The following LACTB2 variants were observed in gnomAD, a reference collection of about 807,000 sequenced individuals.
The protein encoded by LACTB2 is lactamase beta 2, also known as endoribonuclease LACTB2.
Under a neutral mutation model 34.8 loss-of-function variants are expected in LACTB2, and 32 were observed. The ratio of observed to expected loss-of-function variants is 0.92; its 90% confidence interval spans 0.69 to 1.24. The LOEUF (loss-of-function observed/expected upper bound fraction) is 1.24, where lower values mean the gene tolerates loss of function less well. Ranked by LOEUF, LACTB2 falls within the 50% of genes most tolerant of loss-of-function variation. The pLI, the probability that LACTB2 is intolerant of heterozygous loss-of-function variation, is 0.00. For synonymous variants in LACTB2, 120 were observed against 117.5 expected (o/e 1.02, Z -0.14); for missense variants, 320 against 345.0 (o/e 0.93, Z 0.57).
Position 70,657,852 on chromosome 8 carries a change from C to A in LACTB2, c.317G>T (p.Arg106Leu), listed in dbSNP as rs138349014. The part of the protein sequence containing the change: ...DTTYCIKKLP[R>L]NPQREEIIGN... The stretch of plus-strand genomic sequence containing the variant: ...TATAATTTCTTCTCTCTGAGGATTC[C>A]GTGGGAGTTTTTTAATGCAATAGGT... Residue 106 changes from arginine (R) to leucine (L), a missense_variant, in exon 3 of 7, where the codon CGG becomes CTG. Coordinates refer to ENST00000276590, the MANE Select transcript of LACTB2 (RefSeq NM_016027.3). 1.2e-6 allele frequency: 2 copies of A among 1,606,154 alleles called. No individual in the cohort carries two copies. The highest frequency in any genetic ancestry group is 2.2e-5 in the South Asian group (2 of 90,826).
At chr8:70,650,633 G>C (rs1473273991) in intron 3 of LACTB2, among the ~76,000 whole-genome samples, 2 of 147,572 alleles carry the variant, frequency 1.4e-5, no homozygotes, top group Admixed American at 7.0e-5. Context: ...AGGAGTCTAA[G>C]GCAAGAGAAT....
At chr8:70,645,395 A>G (rs10112627) in intron 3 of LACTB2, among the ~76,000 whole-genome samples, 22,929 of 152,266 alleles carry the variant, frequency 0.15, 2,447 homozygotes, top group African/African-American at 0.3. Context: ...ATGGCACAAA[A>G]TTGCATGCTT....
Position 70,660,787 on chromosome 8 carries a change from T to G in LACTB2, c.286+947A>C, listed in dbSNP as rs1355868166. 2.4e-5 allele frequency: 11 copies of G among 456,354 alleles called. No homozygotes were observed. In the East Asian group the frequency reaches 5.6e-4, roughly 23 times the overall value. The allele number at this position is 456,354 out of a possible 1,614,324, so 28.3% of individuals were successfully genotyped here. ...GCATAGCACCCATGATTATCTGATC[T>G]ATTTTTTTCCCTTTTTTTTTCATTC... On this transcript the variant is annotated intron_variant, in intron 2 of 6. Coordinates refer to ENST00000276590, the MANE Select transcript of LACTB2 (RefSeq NM_016027.3).
chr8:70,638,636 G>C lies in LACTB2; in HGVS notation c.742-7C>G, dbSNP rs1192808208. The C allele has an allele frequency of 2.2e-6, 3 of 1,347,200 alleles. No individual in the cohort carries two copies. Among genetic ancestry groups the C allele is most frequent in the Non-Finnish European group, 2.9e-6 (3 of 1,032,444 alleles). 83.5% of individuals were successfully genotyped at this position (1,347,200 alleles called of 1,614,324 possible). A position where few individuals can be genotyped will look rare whatever the true frequency, so the allele number is the denominator to read the frequency against. ...GTAAATTCTCAGGAGTATTCTAAAA[G>C]AAAAATGAAGGTGAAAAAAATTCCT... On this transcript the variant is annotated splice_region_variant and splice_polypyrimidine_tract_variant and intron_variant, in intron 5 of 6. Transcript: ENST00000276590.
At chr8:70,659,711 A>G (rs1818458676) in intron 2 of LACTB2, among the ~76,000 whole-genome samples, 1 of 152,238 alleles carries the variant, frequency 6.6e-6, no homozygotes, top group Non-Finnish European at 1.5e-5. Context: ...CAATTAAAAA[A>G]TCACAATTAT....
chr8:70,643,923 A>G, intron 4 of LACTB2, 142 bp downstream of exon 4: 1 of 696,188 alleles, frequency 1.4e-6, no homozygotes, highest in Non-Finnish European at 2.0e-6. Context: ...CCACTTTGGC[A>G]TGCCTGTATA....
At position 70,637,275 on chromosome 8, in the gene LACTB2, T is replaced by C. The variant is rs1377806987; in HGVS notation, c.*585A>G. On this transcript the variant is annotated 3_prime_UTR_variant, in exon 7 of 7. Transcript: ENST00000276590. ...ATTATTTATCATATAATACTTTAAA[T>C]TGGGAATTTAATATTTTTCAATCAC... The C allele has an allele frequency of 9.2e-5, 14 of 152,210 alleles. No homozygotes were observed. Among genetic ancestry groups the C allele is most frequent in the Non-Finnish European group, 2.1e-4 (14 of 68,030 alleles). The allele number at this position is 152,210 out of a possible 1,614,324, so 9.4% of individuals were successfully genotyped here.
intron 2 of LACTB2, chr8:70,660,343 A>C: frequency 9.9e-6 from 3 of 303,670 alleles, no homozygotes; most frequent in Non-Finnish European, 1.9e-5. Flanking sequence ...GAGAAGGAAA[A>C]GTCAGACTGA....
intron 5 of LACTB2, among the ~76,000 whole-genome samples, 170 bp from the exon 6 acceptor site, chr8:70,638,799 G>A (rs1365419413): frequency 6.7e-6 from 1 of 150,196 alleles, no homozygotes; most frequent in East Asian, 2.0e-4. Flanking sequence ...GGAATGCAGT[G>A]GTGCATCTCG....
intron 5 of LACTB2, 113 bp from the exon 6 acceptor site, chr8:70,638,742 A>AC: frequency 1.1e-6 from 1 of 919,360 alleles, no homozygotes; most frequent in South Asian, 2.5e-5. Context: ...TATCTTAAAC[A>AC]CATTTTTTTT....
chr8:70,639,285 G>A lies in LACTB2; in HGVS notation c.742-656C>T, dbSNP rs558894196. Among the ~76,000 whole-genome samples the A allele has an allele frequency of 6.3e-4, 96 of 151,852 alleles. 1 individual carries two copies. The South Asian group carries it at 0.02, about 31-fold the overall frequency. ...AACTATTCTCGTGCCTCAGCCTCCC[G>A]AGTAGCTAGGATTACAGGCGTGTGC... On this transcript the variant is annotated intron_variant, in intron 5 of 6. Coordinates refer to ENST00000276590, the MANE Select transcript of LACTB2 (RefSeq NM_016027.3).
At chr8:70,650,287 T>G (rs749084488) in intron 3 of LACTB2, among the ~76,000 whole-genome samples, 26 of 152,214 alleles carry the variant, frequency 1.7e-4, no homozygotes, top group Non-Finnish European at 3.7e-4. Context: ...TGTGTTAAGC[T>G]TAACTCACAG....
intron 3 of LACTB2, among the ~76,000 whole-genome samples, chr8:70,656,859 G>T (rs963592631): frequency 6.6e-6 from 1 of 152,080 alleles, no homozygotes; most frequent in African/African-American, 2.4e-5. Flanking sequence ...AAATATTTTT[G>T]ATGTAAAAAC....
At chr8:70,658,472 T>G (rs1011380761) in intron 2 of LACTB2, among the ~76,000 whole-genome samples, 1 of 152,180 alleles carries the variant, frequency 6.6e-6, no homozygotes, top group Admixed American at 6.5e-5. Context: ...CTAGGTATAC[T>G]GAATACAACC....
intron 3 of LACTB2, among the ~76,000 whole-genome samples, chr8:70,650,735 C>CAAAAAAAAAAAAAAAAAAAAAA (rs61025700): frequency 9.7e-4 from 45 of 46,208 alleles, no homozygotes; most frequent in East Asian, 1.4e-3. Flanking sequence ...GACTCCATCT[C>CAAAAAAAAAAAAAAAAAAAAAA]AAAAAAAAAA....
Position 70,643,288 on chromosome 8 carries a change from T to C in LACTB2, c.592+777A>G, listed in dbSNP as rs2132069607. ...GCCCAGGCTGGAGTACAATGGCGGA[T>C]CTTGGCTCACTACAACCTCCACCTC... On this transcript the variant is annotated intron_variant, in intron 4 of 6. Transcript: ENST00000276590. Among the ~76,000 whole-genome samples, 4 of 142,824 alleles carry C rather than the reference T, an allele frequency of 2.8e-5. No homozygotes were observed. The South Asian group carries it at 9.2e-4, about 33-fold the overall frequency. The allele number at this position is 142,824 out of a possible 152,430, so 93.7% of individuals were successfully genotyped here.
intron 3 of LACTB2, chr8:70,646,786 T>C (rs1053899191): frequency 6.6e-6 from 1 of 152,250 alleles, no homozygotes; most frequent in African/African-American, 2.4e-5. Flanking sequence ...TTCTCAGCAA[T>C]ATACAGACTT....
At chr8:70,661,184 C>A in intron 2 of LACTB2, 1 of 373,904 alleles carries the variant, frequency 2.7e-6, no homozygotes, top group Admixed American at 3.5e-5. Flanking sequence ...AGAACACTGT[C>A]TGACATATAA....
intron 3 of LACTB2, among the ~76,000 whole-genome samples, chr8:70,644,875 A>C (rs1325308115): frequency 6.6e-6 from 1 of 152,130 alleles, no homozygotes; most frequent in African/African-American, 2.4e-5. Flanking sequence ...GAACATCAAC[A>C]ATCATTTCTA....
Sources: gnomAD v4.1 joint callset for allele counts (sites outside exome capture counted in the v4.1 genomes callset) on GRCh38, gnomAD v4.1.1 for gene constraint, MANE v1.5 for transcripts, NCBI Gene and HGNC (gene_info 2026-07-23, HGNC 2026-07-21) for gene names.